Variants in CACNA2D1 observed in about 807,000 individuals in gnomAD.
CACNA2D1 encodes the protein voltage-dependent calcium channel subunit alpha-2/delta-1.
CACNA2D1 carries 53 observed loss-of-function variants against 171.5 expected under a neutral mutation model. That is an observed-to-expected ratio of 0.31 (90% CI 0.25 to 0.39). The LOEUF (loss-of-function observed/expected upper bound fraction) is 0.39. Ranked by LOEUF, CACNA2D1 falls within the 10% of genes least tolerant of loss-of-function variation. The pLI is 1.00. For synonymous variants in CACNA2D1, 442 were observed against 443.1 expected (o/e 1.00, Z 0.03); for missense variants, 903 against 1,299.8 (o/e 0.69, Z 4.69).
chr7:82,069,372 G>T (rs1808041359), intron 7 of CACNA2D1, among the ~76,000 whole-genome samples: 1 of 152,178 alleles, frequency 6.6e-6, no homozygotes, highest in Non-Finnish European at 1.5e-5. Context: ...AAGATTTGGG[G>T]ATGGGCAGAA....
chr7:82,220,157 T>A (rs1027871276), intron 3 of CACNA2D1, among the ~76,000 whole-genome samples: 1 of 152,168 alleles, frequency 6.6e-6, no homozygotes, highest in Non-Finnish European at 1.5e-5. Context: ...TCTGTTAACA[T>A]CTACGAAAAT....
chr7:82,215,417 C>G (rs960034386), intron 3 of CACNA2D1, among the ~76,000 whole-genome samples: 1 of 152,116 alleles, frequency 6.6e-6, no homozygotes, highest in African/African-American at 2.4e-5. Flanking sequence ...GCAGACCAAA[C>G]CGCAGGGTGT....
Position 82,133,395 on chromosome 7 carries a change from G to C in CACNA2D1, c.396+3240C>G, listed in dbSNP as rs544998271. Among the ~76,000 whole-genome samples the C allele has an allele frequency of 2.1e-4, 32 of 152,238 alleles. 1 individual carries two copies. In the East Asian group the frequency reaches 6.2e-3, roughly 29 times the overall value. ...TACTGGAAGACAAGTAATCAAAACAGTGAAAAACTATTTGAATGTGTTAGA... is the reference window on the plus strand; with the variant it reads ...TACTGGAAGACAAGTAATCAAAACACTGAAAAACTATTTGAATGTGTTAGA... On this transcript the variant is annotated intron_variant, in intron 5 of 38. Coordinates refer to ENST00000356860, the MANE Select transcript of CACNA2D1 (RefSeq NM_000722.4).
At chr7:82,133,568 A>G (rs182535962) in intron 5 of CACNA2D1, among the ~76,000 whole-genome samples, 1 of 152,172 alleles carries the variant, frequency 6.6e-6, no homozygotes, top group Non-Finnish European at 1.5e-5. Flanking sequence ...CACTTTTGGG[A>G]ATCTATCCTA....
intron 4 of CACNA2D1, among the ~76,000 whole-genome samples, chr7:82,143,504 T>C (rs539402344): frequency 6.6e-6 from 1 of 152,334 alleles, no homozygotes; most frequent in African/African-American, 2.4e-5. Context: ...GTCTTTTAAG[T>C]GCTATCTTCA....
Position 82,112,910 on chromosome 7 carries a change from T to C in CACNA2D1, c.526+4134A>G, listed in dbSNP as rs534275681. The stretch of plus-strand genomic sequence containing the variant: ...ATATCAAGATAAGTTACAAGGATAA[T>C]GTCAGTGATTATTAGCTTAAATTAC... On this transcript the variant is annotated intron_variant, in intron 6 of 38. Transcript: ENST00000356860. Among the ~76,000 whole-genome samples, 118 of 152,314 alleles carry C rather than the reference T, an allele frequency of 7.7e-4. 1 individual carries two copies. Among genetic ancestry groups the C allele is most frequent in the African/African-American group, 2.7e-3 (113 of 41,572 alleles).
chr7:82,144,070 T>C lies in CACNA2D1; in HGVS notation c.355-7394A>G, dbSNP rs1792703486. ...ATTCAAAAACTGTATTCCATCTCTC[T>C]ATTTCTTTGGGTGTAATAGGTCTAG... On this transcript the variant is annotated intron_variant, in intron 4 of 38. Transcript: ENST00000356860. 2.0e-5 allele frequency among the ~76,000 whole-genome samples: 3 copies of C among 152,114 alleles called. 1 individual carries two copies. The East Asian group carries it at 5.8e-4, about 29-fold the overall frequency.
intron 12 of CACNA2D1, chr7:82,028,409 T>C (rs1802222146): frequency 6.6e-6 from 1 of 151,886 alleles, no homozygotes; most frequent in African/African-American, 2.4e-5. Context: ...AGGAGATTAA[T>C]GTGTTTTCAT....
chr7:81,966,389 C>G (rs867610525), intron 31 of CACNA2D1, among the ~76,000 whole-genome samples: 1 of 151,414 alleles, frequency 6.6e-6, no homozygotes, highest in Non-Finnish European at 1.5e-5. Context: ...AAAATATTTG[C>G]TCTTAAAACA....
At chr7:82,378,941 G>A (rs1823345798) in intron 1 of CACNA2D1, among the ~76,000 whole-genome samples, 1 of 3,784 alleles carries the variant, frequency 2.6e-4, no homozygotes, top group South Asian at 4.5e-3. Context: ...GTTGACTCGT[G>A]TGTGTGTGTG....
At chr7:82,349,707 G>T (rs1201273003) in intron 1 of CACNA2D1, 58 bp from the exon 2 acceptor site, 2 of 1,304,230 alleles carry the variant, frequency 1.5e-6, no homozygotes, top group African/African-American at 1.5e-5. Flanking sequence ...AAAGTCACAT[G>T]CTGATATTTT....
At chr7:81,997,978 GA>G (rs1798220284) in intron 18 of CACNA2D1, among the ~76,000 whole-genome samples, 1 of 151,708 alleles carries the variant, frequency 6.6e-6, no homozygotes, top group African/African-American at 2.4e-5. Flanking sequence ...TAATAATAAA[GA>G]AAGAACACTG....
intron 3 of CACNA2D1, among the ~76,000 whole-genome samples, chr7:82,207,065 T>G (rs1365848193): frequency 6.6e-6 from 1 of 152,206 alleles, no homozygotes; most frequent in Non-Finnish European, 1.5e-5. Context: ...TACAAGATTT[T>G]TAGGCAGAAC....
At chr7:82,298,566 G>A (rs1478738019) in intron 3 of CACNA2D1, among the ~76,000 whole-genome samples, 2 of 150,316 alleles carry the variant, frequency 1.3e-5, no homozygotes, top group Non-Finnish European at 3.0e-5. Context: ...TTTAAAAAGA[G>A]TGCAAATGTC....
intron 4 of CACNA2D1, among the ~76,000 whole-genome samples, chr7:82,141,231 T>A (rs2129087857): frequency 6.6e-6 from 1 of 152,146 alleles, no homozygotes; most frequent in African/African-American, 2.4e-5. Flanking sequence ...CCAGAACCAA[T>A]CTTAACAGAA....
chr7:82,053,040 C>A (rs1805372264), intron 10 of CACNA2D1, among the ~76,000 whole-genome samples: 1 of 151,942 alleles, frequency 6.6e-6, no homozygotes, highest in African/African-American at 2.4e-5. Context: ...ATCACAAGGT[C>A]AAGAGATTGA....
At chr7:82,333,845 C>G (rs947367247) in intron 3 of CACNA2D1, among the ~76,000 whole-genome samples, 5 of 151,956 alleles carry the variant, frequency 3.3e-5, no homozygotes, top group Non-Finnish European at 7.4e-5. Context: ...CACATAAATG[C>G]AAAAGACAAA....
chr7:82,121,527 C>G (rs1327379396), intron 5 of CACNA2D1, among the ~76,000 whole-genome samples: 2 of 152,122 alleles, frequency 1.3e-5, no homozygotes, highest in African/African-American at 4.8e-5. Context: ...AATGATGAAT[C>G]TAGTACAATG....
rs56342398 is a variant in CACNA2D1, at chr7:82,426,138, TATAAATAAATAAATAA to T, written c.95+17211_95+17226del. ...AGAGCGAGACTCTGCTTCAAAAATATATAAATAAATAAATAAATAAATAAATAAATAAATAAATAAA... is the reference window on the plus strand; with the variant it reads ...AGAGCGAGACTCTGCTTCAAAAATATATAAATAAATAAATAAATAAATAAA... On this transcript the variant is annotated intron_variant, in intron 1 of 38. Transcript: ENST00000356860. 2.8e-4 allele frequency among the ~76,000 whole-genome samples: 36 copies of T among 129,026 alleles called. 1 individual carries two copies. Among genetic ancestry groups the T allele is most frequent in the Middle Eastern group, 3.9e-3 (1 of 256 alleles). The allele number at this position is 129,026 out of a possible 152,430, so 84.6% of individuals were successfully genotyped here.
Sources: allele counts gnomAD v4.1 joint callset (sites outside exome capture counted in the v4.1 genomes callset), GRCh38; gene constraint gnomAD v4.1.1; transcripts MANE v1.5; gene names NCBI Gene and HGNC (gene_info 2026-07-23, HGNC 2026-07-21).